The following PIK3R1 variants were observed in gnomAD, a reference collection of about 807,000 sequenced individuals.
The protein encoded by PIK3R1 is phosphatidylinositol 3-kinase regulatory subunit alpha.
A neutral mutation model predicts 98.0 loss-of-function variants in PIK3R1; 29 were observed. The observed-to-expected ratio is 0.30, with a 90% confidence interval of 0.22 to 0.40. PIK3R1 has a LOEUF of 0.40. Ranked by LOEUF, PIK3R1 falls within the 10% of genes least tolerant of loss-of-function variation. The probability of loss-of-function intolerance (pLI) is 1.00; values close to 1 mark genes in which losing one functional copy is unlikely to be tolerated. For synonymous variants in PIK3R1, 282 were observed against 311.8 expected, an observed-to-expected ratio of 0.90 and a Z score of 1.01; for missense variants, 596 against 872.7, an observed-to-expected ratio of 0.68 and a Z score of 3.99.
intron 2 of PIK3R1, among the ~76,000 whole-genome samples, chr5:68,229,092 G>T (rs1326986198): frequency 6.7e-6 from 1 of 150,202 alleles, no homozygotes; most frequent in Non-Finnish European, 1.5e-5. Flanking sequence ...ATATAAATGA[G>T]AAATTAGTAA....
At chr5:68,269,020 G>A (rs1339092659) in intron 2 of PIK3R1, among the ~76,000 whole-genome samples, 1 of 152,198 alleles carries the variant, frequency 6.6e-6, no homozygotes, top group Non-Finnish European at 1.5e-5. Flanking sequence ...GGAAAATGCA[G>A]CATCGGATGT....
chr5:68,294,509 C>G (rs1040090513), intron 11 of PIK3R1, 27 bp from the exon 12 acceptor site: 2 of 1,566,158 alleles, frequency 1.3e-6, no homozygotes, highest in African/African-American at 2.7e-5. Context: ...AAAGGTATGA[C>G]ATTATCTTTT....
chr5:68,263,116 GAT>G (rs1207040430), intron 2 of PIK3R1, among the ~76,000 whole-genome samples: 1 of 104,800 alleles, frequency 9.5e-6, no homozygotes, highest in African/African-American at 3.9e-5. Context: ...TACATACATA[GAT>G]ATATAGATAC....
At chr5:68,244,495 C>T (rs1424942185) in intron 2 of PIK3R1, among the ~76,000 whole-genome samples, 1 of 110,116 alleles carries the variant, frequency 9.1e-6, no homozygotes, top group Non-Finnish European at 1.7e-5. Flanking sequence ...AGTTTTAGGG[C>T]CGCCTATTTC....
intron 1 of PIK3R1, among the ~76,000 whole-genome samples, chr5:68,220,073 C>T (rs80199508): frequency 2.6e-5 from 4 of 152,158 alleles, no homozygotes; most frequent in Admixed American, 6.5e-5. Context: ...AAGTATGGAG[C>T]GAAGTGCTTT....
At chr5:68,277,760 A>G (rs1275949429) in intron 4 of PIK3R1, among the ~76,000 whole-genome samples, 1 of 152,196 alleles carries the variant, frequency 6.6e-6, no homozygotes, top group Non-Finnish European at 1.5e-5. Context: ...ACCGAGTTAT[A>G]TGAGGTCTCG....
At position 68,262,972 on chromosome 5, in the gene PIK3R1, T is replaced by TATACATGTAG. The variant is rs1254033606; in HGVS notation, c.335-10398_335-10389dup. Among the ~76,000 whole-genome samples the TATACATGTAG allele has an allele frequency of 2.3e-4, 6 of 26,136 alleles. 3 individuals carry two copies. The highest frequency in any genetic ancestry group is 2.7e-4 in the Non-Finnish European group (4 of 14,546). 17.1% of individuals were successfully genotyped at this position (26,136 alleles called of 152,430 possible). A position where few individuals can be genotyped will look rare whatever the true frequency, so the allele number is the denominator to read the frequency against. ...ATACATGTAGATACATGTATACATA[T>TATACATGTAG]ATACATGTAGATACATGTAGATACA... On this transcript the variant is annotated intron_variant, in intron 2 of 15. Transcript: ENST00000521381.
chr5:68,224,140 C>G (rs74864576), intron 1 of PIK3R1, among the ~76,000 whole-genome samples: 1 of 152,124 alleles, frequency 6.6e-6, no homozygotes, highest in African/African-American at 2.4e-5. Context: ...TTCTTAGGCA[C>G]ATTGCCTGGT....
chr5:68,246,190 A>G lies in PIK3R1; in HGVS notation c.334+19181A>G, dbSNP rs60352395. Among the ~76,000 whole-genome samples, 675 of 152,254 alleles carry G rather than the reference A, an allele frequency of 4.4e-3. 9 individuals are homozygous for G. Among genetic ancestry groups the G allele is most frequent in the African/African-American group, 0.015 (636 of 41,538 alleles). On this transcript the variant is annotated intron_variant, in intron 2 of 15. Transcript: ENST00000521381. ...GGTTGTGAGCCATTCCAAAGTCTTT[A>G]GTATGCTGTATGGGTGTATTCTATA... is the stretch of plus-strand genomic sequence containing the variant.
intron 2 of PIK3R1, among the ~76,000 whole-genome samples, chr5:68,254,046 GC>G (rs1229227045): frequency 1.1e-5 from 1 of 90,722 alleles, no homozygotes; most frequent in Non-Finnish European, 2.2e-5. Flanking sequence ...TTAAATGTTT[GC>G]CCTTTGGTCA....
intron 2 of PIK3R1, among the ~76,000 whole-genome samples, chr5:68,266,340 GC>G (rs1227776659): frequency 1.3e-5 from 2 of 152,170 alleles, no homozygotes; most frequent in Non-Finnish European, 2.9e-5. Flanking sequence ...CCACAAGTTT[GC>G]CCTCAGCCAG....
intron 7 of PIK3R1, chr5:68,288,289 G>A (rs1211757945): frequency 9.2e-6 from 4 of 433,444 alleles, no homozygotes; most frequent in Non-Finnish European, 1.3e-5. Flanking sequence ...TGACAACTTT[G>A]ACTTGGGCTC....
chr5:68,246,405 C>G (rs1017894294), intron 2 of PIK3R1, among the ~76,000 whole-genome samples: 19 of 151,764 alleles, frequency 1.3e-4, no homozygotes, highest in African/African-American at 3.6e-4. Flanking sequence ...TTCTGCCTCC[C>G]GGGCCCAAGC....
rs746707483 is a variant in PIK3R1 at position 68,226,657 on chromosome 5, T to C, written c.-19T>C. 7 of 1,597,722 alleles carry C rather than the reference T, an allele frequency of 4.4e-6. No individual in the cohort carries two copies. The highest frequency in any genetic ancestry group is 5.1e-6 in the Non-Finnish European group (6 of 1,166,704). The stretch of plus-strand genomic sequence containing the variant: ...TGTACAACCAGGCTCAACTGTTGCA[T>C]GGTAGCAGATTTGCAAACATGAGTG... On this transcript the variant is annotated 5_prime_UTR_variant, in exon 2 of 16. It removes an upstream start codon present in the reference 5' UTR. Coordinates refer to ENST00000521381, the MANE Select transcript of PIK3R1 (RefSeq NM_181523.3).
In PIK3R1 at chr5:68,294,927, A is replaced by G. The variant is rs531163711; in HGVS notation, c.1569-221A>G. 1.4e-3 allele frequency among the ~76,000 whole-genome samples: 215 copies of G among 151,690 alleles called. 1 individual carries two copies. The highest frequency in any genetic ancestry group is 0.012 in the Admixed American group (185 of 15,238). On this transcript the variant is annotated intron_variant, in intron 12 of 15. Transcript: ENST00000521381. ...TATACATATGTAACTAACCTGCACA[A>G]TGTGCACATGTACCCTAAAACTTAA... is the stretch of plus-strand genomic sequence containing the variant.
intron 1 of PIK3R1, among the ~76,000 whole-genome samples, chr5:68,223,860 G>A (rs1744182127): frequency 6.6e-6 from 1 of 152,232 alleles, no homozygotes; most frequent in Non-Finnish European, 1.5e-5. Context: ...GCAAGGAACA[G>A]CTTCAGAGGT....
intron 2 of PIK3R1, among the ~76,000 whole-genome samples, chr5:68,251,987 A>G (rs1333844376): frequency 1.3e-5 from 2 of 152,192 alleles, no homozygotes; most frequent in African/African-American, 4.8e-5. Context: ...GTTCATCAGC[A>G]GGAATGAGGT....
chr5:68,283,128 G>A (rs1746918606), intron 7 of PIK3R1, among the ~76,000 whole-genome samples: 1 of 152,210 alleles, frequency 6.6e-6, no homozygotes. Context: ...CACAGCATGT[G>A]CTAGTACCAG....
Position 68,297,547 on chromosome 5 carries a change from C to T in PIK3R1, c.2121C>T (p.Asn707=), listed in dbSNP as rs922311379. 12 of 1,614,172 alleles carry T rather than the reference C, an allele frequency of 7.4e-6. No homozygotes were observed. Among genetic ancestry groups the T allele is most frequent in the South Asian group, 3.3e-5 (3 of 91,082 alleles). The change falls in exon 16 of 16, where the codon AAC becomes AAT. Residue 707 remains asparagine (N), a synonymous_variant. Transcript: ENST00000521381. ...HYQHTSLVQH[N]DSLNVTLAYP... ...AACACACCTCCCTTGTGCAGCACAACGACTCCCTCAATGTCACACTAGCCT... is the reference window on the plus strand; with the variant it reads ...AACACACCTCCCTTGTGCAGCACAATGACTCCCTCAATGTCACACTAGCCT...
Sources: allele counts gnomAD v4.1 joint callset (sites outside exome capture counted in the v4.1 genomes callset), GRCh38; gene constraint gnomAD v4.1.1; transcripts MANE v1.5; gene names NCBI Gene and HGNC (gene_info 2026-07-23, HGNC 2026-07-21).